SGCD: variants seen among roughly 807,000 people sequenced by gnomAD.
SGCD encodes the protein delta-sarcoglycan.
Under a neutral mutation model 36.6 loss-of-function variants are expected in SGCD, and 18 were observed. The observed-to-expected ratio is 0.49, with a 90% CI of 0.34 to 0.73. The LOEUF (loss-of-function observed/expected upper bound fraction) is 0.73, where lower values mean the gene tolerates loss of function less well. Among genes scored for constraint, SGCD ranks in the 30% least tolerant of loss-of-function variants. The probability of loss-of-function intolerance (pLI) is 0.01; values close to 1 mark genes in which losing one functional copy is unlikely to be tolerated. For synonymous variants in SGCD, 133 were observed against 130.6 expected, an observed-to-expected ratio of 1.02 and a Z score of -0.12; for missense variants, 387 against 346.7, an observed-to-expected ratio of 1.12 and a Z score of -0.92.
chr5:155,950,117 A>G (rs989631233), intron 1 of SGCD, among the ~76,000 whole-genome samples: 3 of 152,212 alleles, frequency 2.0e-5, no homozygotes, highest in African/African-American at 7.2e-5. Flanking sequence ...TAGCTTGTGT[A>G]AGAAACATCT....
chr5:156,316,548 A>G (rs59584766), intron 3 of SGCD, among the ~76,000 whole-genome samples: 3,489 of 152,180 alleles, frequency 0.023, 137 homozygotes, highest in African/African-American at 0.079. Context: ...CCTGATTTCA[A>G]ATTATATTGT....
chr5:156,452,052 A>G (rs1276710687), intron 3 of SGCD, among the ~76,000 whole-genome samples: 1 of 152,166 alleles, frequency 6.6e-6, no homozygotes, highest in South Asian at 2.1e-4. Context: ...GACTTAGGGC[A>G]TGGCAGGCAA....
At chr5:156,151,386 C>T (rs1022370168) in intron 3 of SGCD, among the ~76,000 whole-genome samples, 1 of 151,404 alleles carries the variant, frequency 6.6e-6, no homozygotes, top group African/African-American at 2.5e-5. Context: ...TGGAGCCCAC[C>T]TCTGCCCAAA....
intron 1 of SGCD, among the ~76,000 whole-genome samples, chr5:156,031,274 G>A: frequency 6.6e-6 from 1 of 152,164 alleles, no homozygotes; most frequent in East Asian, 1.9e-4. Context: ...GCTAGTCTGA[G>A]AACCACTCTT....
chr5:156,482,617 TATC>T (rs1755480540), intron 3 of SGCD, among the ~76,000 whole-genome samples: 1 of 152,176 alleles, frequency 6.6e-6, no homozygotes, highest in African/African-American at 2.4e-5. Flanking sequence ...AAAGTCAAAG[TATC>T]ATAATTCCAT....
chr5:156,152,200 T>A (rs897494514), intron 3 of SGCD, among the ~76,000 whole-genome samples: 1 of 151,680 alleles, frequency 6.6e-6, no homozygotes, highest in African/African-American at 2.4e-5. Context: ...CTGGTTAACC[T>A]TTTTCTTTGA....
intron 3 of SGCD, among the ~76,000 whole-genome samples, chr5:156,303,886 G>A (rs974546308): frequency 1.3e-5 from 2 of 151,694 alleles, no homozygotes; most frequent in Non-Finnish European, 2.9e-5. Context: ...CAAGCAGAAG[G>A]AAGGAGTCTC....
chr5:156,551,105 G>A (rs561900052), intron 4 of SGCD, among the ~76,000 whole-genome samples: 1 of 151,948 alleles, frequency 6.6e-6, no homozygotes, highest in Non-Finnish European at 1.5e-5. Context: ...TTTAGCCCTT[G>A]CCCCTCTAAC....
At chr5:156,637,289 C>T (rs1364964780) in intron 6 of SGCD, among the ~76,000 whole-genome samples, 1 of 152,120 alleles carries the variant, frequency 6.6e-6, no homozygotes, top group Non-Finnish European at 1.5e-5. Context: ...GTCAATTAAA[C>T]CTCTTTCCTT....
In SGCD at chr5:156,072,724, G is replaced by A. The variant is rs1372601701; in HGVS notation, c.-281-45154G>A. 2.0e-5 allele frequency among the ~76,000 whole-genome samples: 3 copies of A among 152,284 alleles called. No individual in the cohort carries two copies. The East Asian group carries it at 5.8e-4, about 29-fold the overall frequency. ...TCTCCTGGATAATGTCCTGCAGAGTGTTTTCCAACTTGGTTCCATTCTCCC... is the reference window on the plus strand; with the variant it reads ...TCTCCTGGATAATGTCCTGCAGAGTATTTTCCAACTTGGTTCCATTCTCCC... On this transcript the variant is annotated intron_variant, in intron 1 of 9. Transcript: ENST00000517913.
intron 1 of SGCD, among the ~76,000 whole-genome samples, chr5:155,963,784 A>C (rs2113453817): frequency 6.6e-6 from 1 of 152,186 alleles, no homozygotes; most frequent in African/African-American, 2.4e-5. Context: ...ACTTATTTTA[A>C]AAATAAAAGT....
At chr5:156,606,367 A>G (rs901870037) in intron 6 of SGCD, among the ~76,000 whole-genome samples, 10 of 151,966 alleles carry the variant, frequency 6.6e-5, no homozygotes, top group African/African-American at 1.9e-4. Context: ...GATATGTGGC[A>G]TTATTTCTGA....
chr5:155,807,086 T>A, the SGCD span, among the ~76,000 whole-genome samples: 1 of 152,220 alleles, frequency 6.6e-6, no homozygotes, highest in Non-Finnish European at 1.5e-5. Context: ...TTATTTTAAG[T>A]GTTAAAAAAT....
At chr5:156,585,969 C>A (rs1760474817) in intron 4 of SGCD, among the ~76,000 whole-genome samples, 1 of 151,970 alleles carries the variant, frequency 6.6e-6, no homozygotes, top group East Asian at 1.9e-4. Flanking sequence ...CTATTAACAT[C>A]TAATATTAGT....
intron 6 of SGCD, among the ~76,000 whole-genome samples, chr5:156,629,664 C>A (rs940344006): frequency 3.3e-5 from 5 of 152,058 alleles, no homozygotes; most frequent in African/African-American, 1.2e-4. Flanking sequence ...GGTTTATGGA[C>A]CACAGGGTCT....
At chr5:156,075,207 GAA>G (rs1760737431) in intron 1 of SGCD, among the ~76,000 whole-genome samples, 1 of 151,140 alleles carries the variant, frequency 6.6e-6, no homozygotes. Flanking sequence ...AAAAAATGCA[GAA>G]AGTGAATTAG....
intron 3 of SGCD, among the ~76,000 whole-genome samples, chr5:156,391,849 A>C (rs1367645745): frequency 6.6e-6 from 1 of 152,084 alleles, no homozygotes; most frequent in African/African-American, 2.4e-5. Context: ...TTTTTTGTTG[A>C]AATGTTCTTA....
chr5:156,099,685 G>T (rs1196298363), intron 1 of SGCD, among the ~76,000 whole-genome samples: 1 of 152,120 alleles, frequency 6.6e-6, no homozygotes, highest in Non-Finnish European at 1.5e-5. Context: ...AAATTGCTGG[G>T]ATTACAGGCA....
At chr5:156,187,378 C>A (rs1763787298) in intron 3 of SGCD, among the ~76,000 whole-genome samples, 1 of 151,878 alleles carries the variant, frequency 6.6e-6, no homozygotes, top group South Asian at 2.1e-4. Context: ...AATTGCTGAA[C>A]AAAGGCAAGC....
Sources: allele counts gnomAD v4.1 joint callset (sites outside exome capture counted in the v4.1 genomes callset), GRCh38; gene constraint gnomAD v4.1.1; transcripts MANE v1.5; gene names NCBI Gene and HGNC (gene_info 2026-07-23, HGNC 2026-07-21).